IGSF11: variants seen among roughly 807,000 people sequenced by gnomAD.
The protein encoded by IGSF11 is CXADR like 1.
In IGSF11, 22 loss-of-function variants were observed where a neutral mutation model predicts 41.0. The observed-to-expected ratio is 0.54, with a 90% CI of 0.38 to 0.77. IGSF11 has a LOEUF of 0.77. Among genes scored for constraint, IGSF11 ranks in the 30% least tolerant of loss-of-function variants. The pLI, the probability that IGSF11 is intolerant of heterozygous loss-of-function variation, is 0.00. For synonymous variants in IGSF11, 219 were observed against 201.3 expected (o/e 1.09, Z -0.74); for missense variants, 444 against 530.8 (o/e 0.84, Z 1.61).
At chr3:119,111,816 A>T (rs531697332) in intron 1 of IGSF11, among the ~76,000 whole-genome samples, 1 of 152,270 alleles carries the variant, frequency 6.6e-6, no homozygotes, top group South Asian at 2.1e-4. Flanking sequence ...AACAGACAGG[A>T]CCCTCAACTG....
intron 4 of IGSF11, among the ~76,000 whole-genome samples, chr3:118,924,500 A>T (rs1337535653): frequency 6.6e-6 from 1 of 152,164 alleles, no homozygotes; most frequent in Non-Finnish European, 1.5e-5. Context: ...TGATTAATAG[A>T]TATGGTTATC....
At chr3:119,127,741 G>A (rs2077423063) in intron 1 of IGSF11, among the ~76,000 whole-genome samples, 1 of 152,190 alleles carries the variant, frequency 6.6e-6, no homozygotes, top group Non-Finnish European at 1.5e-5. Flanking sequence ...GAGATTGGGA[G>A]CCAATATTTG....
chr3:119,017,369 T>C (rs1230109488), intron 1 of IGSF11, among the ~76,000 whole-genome samples: 1 of 152,200 alleles, frequency 6.6e-6, no homozygotes, highest in Non-Finnish European at 1.5e-5. Flanking sequence ...GAGTAGGCAA[T>C]TATAACATGA....
intron 1 of IGSF11, among the ~76,000 whole-genome samples, chr3:119,050,817 T>TA: frequency 6.6e-6 from 1 of 151,900 alleles, no homozygotes; most frequent in Admixed American, 6.6e-5. Context: ...TATGCAGCCA[T>TA]AAAAAATGAT....
intron 1 of IGSF11, among the ~76,000 whole-genome samples, chr3:119,044,593 C>A (rs1224135948): frequency 2.0e-5 from 3 of 152,084 alleles, no homozygotes; most frequent in Non-Finnish European, 2.9e-5. Flanking sequence ...AAGATCATCA[C>A]CTAGGCACAG....
intron 1 of IGSF11, among the ~76,000 whole-genome samples, chr3:119,081,533 G>A (rs2076586384): frequency 6.6e-6 from 1 of 152,152 alleles, no homozygotes; most frequent in South Asian, 2.1e-4. Context: ...ACTGTCCCAT[G>A]TCCTACAGTT....
chr3:118,906,307 A>G (rs1036488797), intron 4 of IGSF11, among the ~76,000 whole-genome samples: 2 of 152,074 alleles, frequency 1.3e-5, no homozygotes, highest in African/African-American at 4.8e-5. Context: ...AGAGCCTCAG[A>G]CTTCGGTGTA....
intron 1 of IGSF11, among the ~76,000 whole-genome samples, chr3:119,046,579 T>C (rs967455445): frequency 5.9e-5 from 9 of 151,826 alleles, no homozygotes; most frequent in African/African-American, 2.2e-4. Flanking sequence ...TGCAGGATAT[T>C]ATCCAGGAGA....
At chr3:119,064,859 CT>C (rs1352237539) in intron 1 of IGSF11, among the ~76,000 whole-genome samples, 1 of 152,100 alleles carries the variant, frequency 6.6e-6, no homozygotes, top group East Asian at 1.9e-4. Flanking sequence ...TCTTATACAT[CT>C]AACTTATTTC....
At chr3:119,073,619 C>T (rs564284048) in intron 1 of IGSF11, among the ~76,000 whole-genome samples, 13 of 152,306 alleles carry the variant, frequency 8.5e-5, no homozygotes, top group African/African-American at 3.1e-4. Context: ...GGGGGCCCGG[C>T]GCACGCTCTG....
At chr3:119,129,993 T>A (rs563396746) in intron 1 of IGSF11, among the ~76,000 whole-genome samples, 93 of 151,878 alleles carry the variant, frequency 6.1e-4, no homozygotes, top group Middle Eastern at 3.4e-3. Flanking sequence ...TTAAAAAAAA[T>A]TTTTTTTAAT....
chr3:118,928,909 A>C (rs556979535), intron 2 of IGSF11, among the ~76,000 whole-genome samples, 193 bp from the exon 3 acceptor site: 3 of 152,308 alleles, frequency 2.0e-5, no homozygotes, highest in African/African-American at 7.2e-5. Context: ...TTCTCACATA[A>C]CAAATTAGAA....
upstream of IGSF11, chr3:119,105,251 A>T (rs1449742055): frequency 9.2e-7 from 1 of 1,084,768 alleles, no homozygotes; most frequent in African/African-American, 1.6e-5. Flanking sequence ...TGTCATCATA[A>T]CATTATATGT....
chr3:119,026,222 A>G (rs1350759126), intron 1 of IGSF11, among the ~76,000 whole-genome samples: 1 of 152,240 alleles, frequency 6.6e-6, no homozygotes, highest in Non-Finnish European at 1.5e-5. Flanking sequence ...AAGAATTTCA[A>G]ATGAGTTCAT....
intron 1 of IGSF11, among the ~76,000 whole-genome samples, chr3:119,119,722 G>A (rs1167330791): frequency 3.9e-5 from 6 of 152,052 alleles, no homozygotes; most frequent in African/African-American, 1.4e-4. Flanking sequence ...AGAGTACGGT[G>A]ACTACCTCAC....
intron 1 of IGSF11, among the ~76,000 whole-genome samples, chr3:119,005,284 A>G (rs1331833803): frequency 2.1e-5 from 3 of 145,546 alleles, no homozygotes; most frequent in Non-Finnish European, 4.5e-5. Context: ...TAGGATTGCA[A>G]CCCCTGCCTT....
upstream of IGSF11, among the ~76,000 whole-genome samples, chr3:119,108,960 G>A (rs1559872346): frequency 1.6e-5 from 2 of 125,576 alleles, no homozygotes; most frequent in African/African-American, 5.7e-5. Flanking sequence ...TGGTGGATAA[G>A]CTTTTTGATG....
chr3:118,912,166 A>T (rs2107488079), intron 4 of IGSF11, among the ~76,000 whole-genome samples: 1 of 152,372 alleles, frequency 6.6e-6, no homozygotes, highest in East Asian at 1.9e-4. Context: ...TTAAAAACAC[A>T]TTTTAAAGTT....
intron 4 of IGSF11, among the ~76,000 whole-genome samples, chr3:118,920,089 A>G (rs1316848422): frequency 7.8e-6 from 1 of 128,062 alleles, no homozygotes; most frequent in Non-Finnish European, 1.6e-5. Flanking sequence ...GAAGGGGAAT[A>G]CCACACTCTG....
Sources: allele counts gnomAD v4.1 joint callset (sites outside exome capture counted in the v4.1 genomes callset), GRCh38; gene constraint gnomAD v4.1.1; transcripts MANE v1.5; gene names NCBI Gene and HGNC (gene_info 2026-07-23, HGNC 2026-07-21).